BRWD1: variants seen among roughly 807,000 people sequenced by gnomAD.
BRWD1 encodes bromodomain and WD repeat domain containing 1.
Under a neutral mutation model 251.2 loss-of-function variants are expected in BRWD1, and 82 were observed. That is an observed-to-expected ratio of 0.33 (90% CI 0.27 to 0.39). The LOEUF is 0.39. Ranked by LOEUF, BRWD1 falls within the 10% of genes least tolerant of loss-of-function variation. The pLI is 1.00. For synonymous variants in BRWD1, 918 were observed against 902.8 expected (o/e 1.02, Z -0.30); for missense variants, 2,233 against 2,711.6 (o/e 0.82, Z 3.92).
intron 16 of BRWD1, 48 bp downstream of exon 16, chr21:39,264,843 C>T: frequency 6.3e-7 from 1 of 1,591,790 alleles, no homozygotes; most frequent in Non-Finnish European, 8.5e-7. Flanking sequence ...TTCCAAAACA[C>T]AGCTGATAAC....
intron 35 of BRWD1, 147 bp from the exon 36 acceptor site, chr21:39,210,294 G>T: frequency 1.5e-6 from 1 of 647,572 alleles, no homozygotes. Context: ...TTTAAAAAGA[G>T]GTATAAAAAC....
upstream of BRWD1, chr21:39,314,137 C>T (rs566957098): frequency 1.6e-4 from 71 of 455,976 alleles, no homozygotes; most frequent in Middle Eastern, 1.3e-3. Context: ...CGGAAGACCC[C>T]TCGCTTCGAG....
intron 29 of BRWD1, among the ~76,000 whole-genome samples, chr21:39,223,984 GA>G (rs2033283071): frequency 1.3e-5 from 2 of 152,272 alleles, no homozygotes; most frequent in African/African-American, 4.8e-5. Context: ...AAGTAGCTGG[GA>G]TTACAGGCAC....
chr21:39,287,634 TTC>T (rs1186694269), intron 8 of BRWD1, among the ~76,000 whole-genome samples: 1 of 152,208 alleles, frequency 6.6e-6, no homozygotes, highest in Admixed American at 6.5e-5. Flanking sequence ...TTTGTCACGT[TTC>T]TTTTTTGTTC....
rs143412503 is a variant in BRWD1 at position 39,260,053 on chromosome 21, C to T, written c.1886-1381G>A. ...TAATGTCTTTGTTTTGCTATGGAAACCAAAGAAGAACTTAAAAGAGCTAAA... is the reference window on the plus strand; with the variant it reads ...TAATGTCTTTGTTTTGCTATGGAAATCAAAGAAGAACTTAAAAGAGCTAAA... On this transcript the variant is annotated intron_variant, in intron 17 of 40. Coordinates refer to ENST00000342449, the MANE Select transcript of BRWD1 (RefSeq NM_033656.4). Among the ~76,000 whole-genome samples the T allele has an allele frequency of 6.7e-4, 102 of 152,060 alleles. 1 individual carries two copies. Among genetic ancestry groups the T allele is most frequent in the Non-Finnish European group, 7.6e-4 (52 of 67,976 alleles).
chr21:39,198,661 A>T, intron 40 of BRWD1, 102 bp downstream of exon 40: 3 of 1,017,116 alleles, frequency 2.9e-6, no homozygotes, highest in Non-Finnish European at 4.2e-6. Context: ...CAAAGAGAAA[A>T]AAGTTTCAAG....
chr21:39,312,785 C>CG, intron 4 of BRWD1, 56 bp downstream of exon 4: 8 of 1,439,920 alleles, frequency 5.6e-6, no homozygotes, highest in Middle Eastern at 4.9e-4. Context: ...GGGGAAGGGG[C>CG]GGGGGCGGGG....
rs966828699 is a variant in BRWD1 at position 39,190,414 on chromosome 21, C to G, written c.*5845G>C. 11 of 985,214 alleles carry G rather than the reference C, an allele frequency of 1.1e-5. No individual in the cohort carries two copies. The African/African-American group carries it at 1.9e-4, about 17-fold the overall frequency. 61.0% of individuals were successfully genotyped at this position (985,214 alleles called of 1,614,324 possible). ...TTGAGAATGAGAAAAGAATGTCTGA[C>G]TCAAAATGAAAACATACTAGCCTCT... On this transcript the variant is annotated 3_prime_UTR_variant, in exon 41 of 41. Coordinates refer to ENST00000342449, the MANE Select transcript of BRWD1 (RefSeq NM_033656.4).
intron 13 of BRWD1, among the ~76,000 whole-genome samples, chr21:39,272,647 G>A (rs1357622180): frequency 4.2e-5 from 6 of 144,306 alleles, no homozygotes; most frequent in South Asian, 2.2e-4. Flanking sequence ...TAGCTCTGTC[G>A]CCCAGGCTGG....
intron 13 of BRWD1, among the ~76,000 whole-genome samples, chr21:39,270,854 A>G (rs1193490079): frequency 6.6e-6 from 1 of 152,242 alleles, no homozygotes; most frequent in Admixed American, 6.5e-5. Context: ...GTTTAGAAAA[A>G]TAACTGACAC....
intron 4 of BRWD1, among the ~76,000 whole-genome samples, chr21:39,311,814 A>G (rs62223042): frequency 0.36 from 54,037 of 152,180 alleles, 10,175 homozygotes; most frequent in Admixed American, 0.43. Flanking sequence ...GTTCATGGAA[A>G]TAACACATCC....
intron 8 of BRWD1, among the ~76,000 whole-genome samples, chr21:39,293,274 T>C (rs1401574987): frequency 1.3e-5 from 2 of 152,078 alleles, no homozygotes; most frequent in Non-Finnish European, 2.9e-5. Flanking sequence ...CCGGGCAGGT[T>C]ACTTGGTCAG....
At chr21:39,261,404 T>C (rs921725523) in intron 17 of BRWD1, among the ~76,000 whole-genome samples, 6 of 152,104 alleles carry the variant, frequency 3.9e-5, no homozygotes, top group African/African-American at 1.4e-4. Flanking sequence ...ACACTTCCAG[T>C]TTTAATACCT....
chr21:39,188,124 A>G lies in BRWD1; in HGVS notation c.*8135T>C, dbSNP rs1368311591. 41 of 985,302 alleles carry G rather than the reference A, an allele frequency of 4.2e-5. No individual in the cohort carries two copies. Among genetic ancestry groups the G allele is most frequent in the Non-Finnish European group, 4.9e-5 (41 of 829,926 alleles). The allele number at this position is 985,302 out of a possible 1,614,324, so 61.0% of individuals were successfully genotyped here. A position where few individuals can be genotyped will look rare whatever the true frequency, so the allele number is the denominator to read the frequency against. ...AGATATGTTTGTTACCAGTGTCTCA[A>G]AGCCAAATTTTCAAATTTCACAAAC... is the stretch of plus-strand genomic sequence containing the variant. On this transcript the variant is annotated 3_prime_UTR_variant, in exon 41 of 41. Transcript: ENST00000342449.
chr21:39,298,695 T>C, intron 4 of BRWD1, 113 bp from the exon 5 acceptor site: 1 of 823,724 alleles, frequency 1.2e-6, no homozygotes, highest in Non-Finnish European at 1.8e-6. Context: ...CTGTAAAACA[T>C]GCTGAGAGAA....
Position 39,236,686 on chromosome 21 carries a change from C to CA in BRWD1, c.2674dup (p.Cys892LeufsTer2). ...AGATATTTCATCTTCTGAACTACTA[C>CA]AAAATCGAGTAATTCGTCGACGACA... On this transcript the variant is annotated frameshift_variant, in exon 23 of 41. Transcript: ENST00000342449. LOFTEE classifies it high-confidence loss of function. The CA allele has an allele frequency of 1.2e-6, 2 of 1,613,936 alleles. No homozygotes were observed. Among genetic ancestry groups the CA allele is most frequent in the Non-Finnish European group, 1.7e-6 (2 of 1,179,876 alleles).
At chr21:39,198,226 G>C (rs1276972518) in intron 40 of BRWD1, among the ~76,000 whole-genome samples, 1 of 152,220 alleles carries the variant, frequency 6.6e-6, no homozygotes, top group East Asian at 1.9e-4. Context: ...TTGTGCTCCA[G>C]TTATTACCTG....
intron 4 of BRWD1, among the ~76,000 whole-genome samples, chr21:39,304,141 CAAAAAAAA>C (rs56990201): frequency 4.8e-4 from 57 of 118,390 alleles, no homozygotes; most frequent in Admixed American, 5.4e-4. Flanking sequence ...AACTCTTTCT[CAAAAAAAA>C]AAAAAAAAAA....
At position 39,194,206 on chromosome 21, in the gene BRWD1, A is replaced by G. The variant is rs1473331737; in HGVS notation, c.*2053T>C. ...TTAATGAAGCCTAAACTGTCAAAAT[A>G]TTGTTTTATACCAAAAGAATGTATG... On this transcript the variant is annotated 3_prime_UTR_variant, in exon 41 of 41. Coordinates refer to ENST00000342449, the MANE Select transcript of BRWD1 (RefSeq NM_033656.4). 2.0e-5 allele frequency: 20 copies of G among 981,494 alleles called. No individual in the cohort carries two copies. The highest frequency in any genetic ancestry group is 2.4e-5 in the Non-Finnish European group (20 of 825,922). 60.8% of individuals were successfully genotyped at this position (981,494 alleles called of 1,614,324 possible). A position where few individuals can be genotyped will look rare whatever the true frequency, so the allele number is the denominator to read the frequency against.
Sources: allele counts gnomAD v4.1 joint callset (sites outside exome capture counted in the v4.1 genomes callset), GRCh38; gene constraint gnomAD v4.1.1; transcripts MANE v1.5; gene names NCBI Gene and HGNC (gene_info 2026-07-23, HGNC 2026-07-21).